The following RASGEF1C variants were observed in gnomAD, a reference collection of about 807,000 sequenced individuals.
RASGEF1C encodes RasGEF domain family member 1C, also known as ras-GEF domain-containing family member 1C.
In RASGEF1C, 27 loss-of-function variants were observed where a neutral mutation model predicts 58.1. The ratio of observed to expected loss-of-function variants is 0.46; its 90% CI spans 0.34 to 0.64. The LOEUF is 0.64. RASGEF1C is among the 30% of genes least tolerant of loss of function. The probability of loss-of-function intolerance (pLI) is 0.01; values close to 1 mark genes in which losing one functional copy is unlikely to be tolerated. For missense variants in RASGEF1C, 502 were observed against 605.1 expected, an observed-to-expected ratio of 0.83 and a Z score of 1.79; for synonymous variants, 243 against 246.3, an observed-to-expected ratio of 0.99 and a Z score of 0.13.
chr5:180,160,534 C>T (rs1161068766), intron 1 of RASGEF1C, among the ~76,000 whole-genome samples: 1 of 152,116 alleles, frequency 6.6e-6, no homozygotes, highest in Non-Finnish European at 1.5e-5. Context: ...TGCACGCACC[C>T]ATTTCTATCC....
chr5:180,126,179 G>T (rs561437100), intron 6 of RASGEF1C, among the ~76,000 whole-genome samples: 1 of 152,142 alleles, frequency 6.6e-6, no homozygotes, highest in Non-Finnish European at 1.5e-5. Flanking sequence ...AGGCCGAGGC[G>T]GGCAGATCAC....
intron 1 of RASGEF1C, among the ~76,000 whole-genome samples, chr5:180,208,483 G>A (rs6878432): frequency 0.21 from 31,200 of 152,026 alleles, 3,400 homozygotes; most frequent in Non-Finnish European, 0.25. Flanking sequence ...ACTGCGTGAG[G>A]GACACACCCA....
In RASGEF1C at chr5:180,152,766, G is replaced by C. The variant is rs536687100; in HGVS notation, c.-6-14708C>G. Among the ~76,000 whole-genome samples, 59 of 151,672 alleles carry C rather than the reference G, an allele frequency of 3.9e-4. 1 individual carries two copies. The South Asian group carries it at 0.011, about 27-fold the overall frequency. ...TCTCTACTAAAAATACAAAAAATTA[G>C]CTGGGCGTGGTGGCAGCGCCTGTAA... is the stretch of plus-strand genomic sequence containing the variant. On this transcript the variant is annotated intron_variant, in intron 1 of 13. Coordinates refer to ENST00000361132, the MANE Select transcript of RASGEF1C (RefSeq NM_175062.4).
Position 180,196,029 on chromosome 5 carries a change from A to G in RASGEF1C, c.-7+12999T>C, listed in dbSNP as rs372226677. On this transcript the variant is annotated intron_variant, in intron 1 of 13. Transcript: ENST00000361132. Reference sequence around the variant, plus strand: ...CGCTGTGCGATGGCTCAGTCAAGATAATGGACCTATCACTTTGCATACTTA... The same window carrying G: ...CGCTGTGCGATGGCTCAGTCAAGATGATGGACCTATCACTTTGCATACTTA... Among the ~76,000 whole-genome samples, 3 of 152,198 alleles carry G rather than the reference A, an allele frequency of 2.0e-5. No individual in the cohort carries two copies. The East Asian group carries it at 5.8e-4, about 29-fold the overall frequency.
At chr5:180,174,409 T>TGTGC (rs1305762208) in intron 1 of RASGEF1C, among the ~76,000 whole-genome samples, 2 of 150,688 alleles carry the variant, frequency 1.3e-5, no homozygotes, top group Non-Finnish European at 3.0e-5. Context: ...TGCGTCTGTG[T>TGTGC]GTGCGTGCGT....
chr5:180,148,896 T>G (rs1453076429), intron 1 of RASGEF1C, among the ~76,000 whole-genome samples: 3 of 152,188 alleles, frequency 2.0e-5, no homozygotes, highest in African/African-American at 7.2e-5. Flanking sequence ...AGGTAGGCCT[T>G]GCGGTAGTGA....
At chr5:180,183,938 G>A (rs963508634) in intron 1 of RASGEF1C, among the ~76,000 whole-genome samples, 3 of 152,036 alleles carry the variant, frequency 2.0e-5, no homozygotes, top group Non-Finnish European at 2.9e-5. Flanking sequence ...TTGGGAGCCC[G>A]AGGCTGGCAG....
intron 1 of RASGEF1C, among the ~76,000 whole-genome samples, chr5:180,141,199 G>C (rs1432577275): frequency 6.6e-6 from 1 of 152,194 alleles, no homozygotes; most frequent in Non-Finnish European, 1.5e-5. Flanking sequence ...AATGCGTTTT[G>C]AGGACCTTTC....
At chr5:180,160,170 G>A (rs780929616) in intron 1 of RASGEF1C, among the ~76,000 whole-genome samples, 18 of 152,134 alleles carry the variant, frequency 1.2e-4, no homozygotes, top group African/African-American at 2.2e-4. Flanking sequence ...TGCAAATCTC[G>A]TCTGTTCCTG....
intron 1 of RASGEF1C, among the ~76,000 whole-genome samples, chr5:180,144,163 C>T (rs1286084355): frequency 6.6e-6 from 1 of 152,250 alleles, no homozygotes; most frequent in South Asian, 2.1e-4. Flanking sequence ...CAGGCAGCAA[C>T]TGCTGTTAAC....
chr5:180,175,070 C>T (rs1224172017), intron 1 of RASGEF1C, among the ~76,000 whole-genome samples: 1 of 152,140 alleles, frequency 6.6e-6, no homozygotes, highest in Non-Finnish European at 1.5e-5. Flanking sequence ...GCGGCCAGCA[C>T]CTGCTGCCCA....
chr5:180,137,989 C>T lies in RASGEF1C; in HGVS notation c.64G>A (p.Glu22Lys), dbSNP rs777033115. ...TPGSLSPPPT[E>K]PTDGEQAGQP... Reference sequence around the variant, plus strand: ...CCAGCCTGTTCGCCATCTGTGGGCTCGGTGGGGGGTGGGCTGAGGCTGCCT... The same window carrying T: ...CCAGCCTGTTCGCCATCTGTGGGCTTGGTGGGGGGTGGGCTGAGGCTGCCT... The change falls in exon 2 of 14, where the codon GAG (glutamate) becomes AAG (lysine). Residue 22 changes from glutamate to lysine, a missense_variant. Transcript: ENST00000361132. This position sits in a 1 kb window ranked among gnomAD's most constrained non-coding sequence, Gnocchi z 4.1. 10 of 1,581,052 alleles carry T rather than the reference C, an allele frequency of 6.3e-6. No homozygotes were observed. The highest frequency in any genetic ancestry group is 1.9e-5 in the Admixed American group (1 of 52,012).
intron 1 of RASGEF1C, among the ~76,000 whole-genome samples, chr5:180,192,161 A>G (rs1756175005): frequency 6.6e-6 from 1 of 152,234 alleles, no homozygotes; most frequent in African/African-American, 2.4e-5. Flanking sequence ...AAAAGTCAAC[A>G]GACTAGTGAC....
chr5:180,110,472 T>G (rs1007521663), intron 12 of RASGEF1C, among the ~76,000 whole-genome samples: 1 of 150,754 alleles, frequency 6.6e-6, no homozygotes, highest in Non-Finnish European at 1.5e-5. Flanking sequence ...CTTGCTGTGA[T>G]GAGAAGCCAG....
chr5:180,110,627 C>T (rs1038978802), intron 12 of RASGEF1C, among the ~76,000 whole-genome samples: 3 of 152,188 alleles, frequency 2.0e-5, no homozygotes, highest in Non-Finnish European at 2.9e-5. Flanking sequence ...CCCCTTAGCA[C>T]GCTTGCAAGC....
intron 12 of RASGEF1C, among the ~76,000 whole-genome samples, chr5:180,102,778 T>C (rs1425982655): frequency 1.6e-4 from 24 of 152,202 alleles, no homozygotes; most frequent in Non-Finnish European, 4.4e-5. Context: ...CCTCCCCTAA[T>C]ACTGTGCTGT....
Position 180,200,515 on chromosome 5 carries a change from G to A in RASGEF1C, c.-7+8513C>T, listed in dbSNP as rs945516345. On this transcript the variant is annotated intron_variant, in intron 1 of 13. Coordinates refer to ENST00000361132, the MANE Select transcript of RASGEF1C (RefSeq NM_175062.4). ...TTTTTAGTAGAAACGGGGTTTCACC[G>A]TGTTAGCCAGGATGGTCTCGATCTC... 2.7e-4 allele frequency among the ~76,000 whole-genome samples: 41 copies of A among 151,730 alleles called. No homozygotes were observed. In the East Asian group the frequency reaches 3.7e-3, roughly 14 times the overall value.
Position 180,197,187 on chromosome 5 carries a change from G to A in RASGEF1C, c.-7+11841C>T, listed in dbSNP as rs1434165827. ...GGGGACTGAGATTTGGCGTCAGGAA[G>A]CAGGGGTGCATCAGGCACACGGGAG... is the stretch of plus-strand genomic sequence containing the variant. On this transcript the variant is annotated intron_variant, in intron 1 of 13. Coordinates refer to ENST00000361132, the MANE Select transcript of RASGEF1C (RefSeq NM_175062.4). This position sits in a 1 kb window ranked among gnomAD's most constrained non-coding sequence, Gnocchi z 4.7. Among the ~76,000 whole-genome samples, 1 of 152,248 alleles carries A rather than the reference G, an allele frequency of 6.6e-6. No homozygotes were observed. Among genetic ancestry groups the A allele is most frequent in the Non-Finnish European group, 1.5e-5 (1 of 68,050 alleles).
rs539254406 is a variant in RASGEF1C, at chr5:180,137,043, C to T, written c.301-528G>A. 1.3e-5 allele frequency among the ~76,000 whole-genome samples: 2 copies of T among 152,308 alleles called. No individual in the cohort carries two copies. Among genetic ancestry groups the T allele is most frequent in the African/African-American group, 4.8e-5 (2 of 41,564 alleles). On this transcript the variant is annotated intron_variant, in intron 3 of 13. Transcript: ENST00000361132. The surrounding 1 kb of genome is among the most constrained non-coding windows in gnomAD (Gnocchi z 4.1). ...ACCAGCCAGCCCGAGGGAGGCCAGC[C>T]CCGGGAAGCGGCAGCAGAGGGCGGG...
Sources: allele counts gnomAD v4.1 joint callset (sites outside exome capture counted in the v4.1 genomes callset), GRCh38; gene constraint gnomAD v4.1.1; non-coding constraint Gnocchi (gnomAD v3.1); transcripts MANE v1.5; gene names NCBI Gene and HGNC (gene_info 2026-07-23, HGNC 2026-07-21).